Variants in TLN2 observed in about 807,000 individuals in gnomAD.
The protein encoded by TLN2 is talin-2.
A neutral mutation model predicts 294.7 loss-of-function variants in TLN2; 118 were observed. That is an observed-to-expected ratio of 0.40 (90% CI 0.34 to 0.47). The LOEUF (loss-of-function observed/expected upper bound fraction) is 0.47, where lower values mean the gene tolerates loss of function less well. Ranked by LOEUF, TLN2 falls within the 20% of genes least tolerant of loss-of-function variation. TLN2 has a pLI of 0.84. For missense variants in TLN2, 3,083 were observed against 3,282.2 expected (o/e 0.94, Z 1.48); for synonymous variants, 1,431 against 1,304.5 (o/e 1.10, Z -2.09).
chr15:62,491,351 T>TACACACACACACACACAC (rs1166046640), intron 1 of TLN2, among the ~76,000 whole-genome samples: 7 of 100,298 alleles, frequency 7.0e-5, no homozygotes, highest in African/African-American at 3.1e-4. Context: ...TATATATATA[T>TACACACACACACACACAC]ACACACACAC....
At chr15:62,752,502 C>T in intron 35 of TLN2, 75 bp downstream of exon 35, 16 of 1,564,242 alleles carry the variant, frequency 1.0e-5, no homozygotes, top group South Asian at 2.4e-5. Context: ...ACTCCAGCTG[C>T]ACCTCTTTCT....
chr15:62,673,698 G>A, intron 9 of TLN2, 129 bp from the exon 10 acceptor site: 2 of 642,156 alleles, frequency 3.1e-6, no homozygotes, highest in East Asian at 2.7e-5. Flanking sequence ...ATAGCAGTCT[G>A]TTATTAATTA....
intron 1 of TLN2, among the ~76,000 whole-genome samples, chr15:62,547,174 G>A (rs1431884571): frequency 6.6e-6 from 1 of 152,194 alleles, no homozygotes; most frequent in Non-Finnish European, 1.5e-5. Context: ...ATCACTCATA[G>A]TGATTTTTAA....
chr15:62,554,316 T>C (rs762812264), intron 1 of TLN2, among the ~76,000 whole-genome samples: 6 of 149,500 alleles, frequency 4.0e-5, no homozygotes, highest in African/African-American at 1.5e-4. Context: ...TTTCCGTAGA[T>C]AAAGATTTCC....
rs543185333 is a variant in TLN2, at chr15:62,726,384, A to G, written c.3256-703A>G. ...TTGTACTCTCGCAGTATACCTGGAA[A>G]TTCTCTTCCAAAACCTCATCTAGTA... On this transcript the variant is annotated intron_variant, in intron 27 of 58. Transcript: ENST00000636159. Among the ~76,000 whole-genome samples the G allele has an allele frequency of 2.0e-5, 3 of 152,314 alleles. No homozygotes were observed. In the East Asian group the frequency reaches 5.8e-4, roughly 29 times the overall value.
intron 1 of TLN2, among the ~76,000 whole-genome samples, chr15:62,420,183 A>G (rs1034245822): frequency 2.0e-5 from 3 of 152,170 alleles, no homozygotes; most frequent in Non-Finnish European, 4.4e-5. Context: ...TTCATAGTGG[A>G]GTGGTGGGCT....
At chr15:62,755,410 C>T (rs2062183437) in intron 36 of TLN2, 122 bp from the exon 37 acceptor site, 6 of 1,243,220 alleles carry the variant, frequency 4.8e-6, no homozygotes, top group Non-Finnish European at 4.4e-6. Flanking sequence ...CAGAACTAGA[C>T]ATGCTTGTAA....
chr15:62,775,119 G>A (rs1335386559), intron 42 of TLN2, among the ~76,000 whole-genome samples: 1 of 151,856 alleles, frequency 6.6e-6, no homozygotes, highest in Non-Finnish European at 1.5e-5. Context: ...ACCACACCTG[G>A]CTCATTTTTT....
At chr15:62,802,899 C>G (rs971849722) in intron 50 of TLN2, among the ~76,000 whole-genome samples, 3 of 152,070 alleles carry the variant, frequency 2.0e-5, no homozygotes, top group African/African-American at 7.2e-5. Context: ...CTATTGAGAC[C>G]TTTTGCCCTT....
At chr15:62,423,466 T>C (rs2034531010) in intron 1 of TLN2, among the ~76,000 whole-genome samples, 1 of 152,200 alleles carries the variant, frequency 6.6e-6, no homozygotes, top group Admixed American at 6.5e-5. Context: ...TCCCTGTACC[T>C]GACCTATAGC....
chr15:62,736,842 A>C (rs1325094123), intron 28 of TLN2, 36 bp from the exon 29 acceptor site: 1 of 1,601,696 alleles, frequency 6.2e-7, no homozygotes, highest in Non-Finnish European at 8.5e-7. Flanking sequence ...ATTTAGATGG[A>C]GTCTAATTGG....
At position 62,420,517 on chromosome 15, in the gene TLN2, C is replaced by T. The variant is rs566374918; in HGVS notation, c.-238+29832C>T. Among the ~76,000 whole-genome samples, 229 of 152,226 alleles carry T rather than the reference C, an allele frequency of 1.5e-3. 1 individual carries two copies. Among genetic ancestry groups the T allele is most frequent in the African/African-American group, 5.1e-3 (213 of 41,526 alleles). On this transcript the variant is annotated intron_variant, in intron 1 of 58. Coordinates refer to ENST00000636159, the MANE Select transcript of TLN2 (RefSeq NM_015059.3). ...GTTCAAGCAATTCTCCTGCTTCAGC[C>T]TTCCGAGCAGCTGGGACTACAGGCG... is the stretch of plus-strand genomic sequence containing the variant.
intron 1 of TLN2, among the ~76,000 whole-genome samples, chr15:62,512,429 A>G (rs1286726021): frequency 6.6e-6 from 1 of 152,162 alleles, no homozygotes; most frequent in Non-Finnish European, 1.5e-5. Context: ...CCTAAGTAGC[A>G]TAGTAACTCT....
intron 1 of TLN2, among the ~76,000 whole-genome samples, chr15:62,534,201 C>T (rs774512036): frequency 2.0e-5 from 3 of 152,170 alleles, no homozygotes; most frequent in Non-Finnish European, 4.4e-5. Flanking sequence ...CTCCTGCAGA[C>T]ACCAGCTGGG....
intron 1 of TLN2, among the ~76,000 whole-genome samples, chr15:62,395,009 AAGGAATGAAC>A (rs1187136950): frequency 1.3e-5 from 2 of 152,186 alleles, no homozygotes; most frequent in African/African-American, 4.8e-5. Flanking sequence ...AATGTAGAAC[AAGGAATGAAC>A]ATTTGTATTT....
At chr15:62,535,176 C>G (rs911862030) in intron 1 of TLN2, among the ~76,000 whole-genome samples, 1 of 152,146 alleles carries the variant, frequency 6.6e-6, no homozygotes, top group Non-Finnish European at 1.5e-5. Context: ...AGAACACTTG[C>G]TGTTATTCTT....
chr15:62,692,260 C>T (rs2057985279), intron 12 of TLN2, among the ~76,000 whole-genome samples: 1 of 152,182 alleles, frequency 6.6e-6, no homozygotes, highest in African/African-American at 2.4e-5. Flanking sequence ...GGAGCTGAGT[C>T]TCTTTAAGCC....
intron 1 of TLN2, among the ~76,000 whole-genome samples, chr15:62,578,045 A>G (rs1292612686): frequency 6.6e-6 from 1 of 152,204 alleles, no homozygotes; most frequent in Non-Finnish European, 1.5e-5. Flanking sequence ...ATGGCTGCAT[A>G]GTATTCCATG....
At position 62,797,373 on chromosome 15, in the gene TLN2, AGCCTGGGC is replaced by A; in HGVS notation, c.6206_6213del (p.Ser2069IlefsTer23). 1.2e-6 allele frequency: 2 copies of A among 1,609,336 alleles called. No homozygotes were observed. Among genetic ancestry groups the A allele is most frequent in the Non-Finnish European group, 1.7e-6 (2 of 1,178,148 alleles). On this transcript the variant is annotated frameshift_variant, in exon 48 of 59. Coordinates refer to ENST00000636159, the MANE Select transcript of TLN2 (RefSeq NM_015059.3). LOFTEE classifies it high-confidence loss of function. ...AGAAGTGGTCAAGCTGGGGGCAGCC[AGCCTGGGC>A]TCCGACGACCCCGAGACCCAGGTAC...
Sources: allele counts gnomAD v4.1 joint callset (sites outside exome capture counted in the v4.1 genomes callset), GRCh38; gene constraint gnomAD v4.1.1; transcripts MANE v1.5; gene names NCBI Gene and HGNC (gene_info 2026-07-23, HGNC 2026-07-21).